Variants in ZNF483 observed in about 807,000 individuals in gnomAD.
ZNF483 encodes the protein zinc finger protein 483.
A neutral mutation model predicts 28.6 loss-of-function variants in ZNF483; 9 were observed. The ratio of observed to expected loss-of-function variants is 0.32; its 90% confidence interval spans 0.19 to 0.55. The LOEUF is 0.55. Ranked by LOEUF, ZNF483 falls within the 20% of genes least tolerant of loss-of-function variation. The pLI is 0.93. For missense variants in ZNF483, 675 were observed against 871.7 expected, an observed-to-expected ratio of 0.77 and a Z score of 2.84; for synonymous variants, 322 against 306.2, an observed-to-expected ratio of 1.05 and a Z score of -0.54.
At chr9:111,555,514 C>T (rs1828096031), downstream of ZNF483, among the ~76,000 whole-genome samples, 1 of 152,156 alleles carries the variant, frequency 6.6e-6, no homozygotes, top group South Asian at 2.1e-4. Flanking sequence ...CTATAAGGAA[C>T]TACCTGAGAC....
At position 111,530,870 on chromosome 9, in the gene ZNF483, C is replaced by G. The variant is rs1564591351; in HGVS notation, c.413-5C>G. ...CGACTGGACTGGTTTTCTCCCCTTT[C>G]CTAGATCCAGTCTCTCAAGATTCTA... On this transcript the variant is annotated splice_polypyrimidine_tract_variant and splice_region_variant and intron_variant, in intron 2 of 5. Transcript: ENST00000309235. 2 of 1,415,900 alleles carry G rather than the reference C, an allele frequency of 1.4e-6. No homozygotes were observed. The highest frequency in any genetic ancestry group is 1.9e-6 in the Non-Finnish European group (2 of 1,057,244). 87.7% of individuals were successfully genotyped at this position (1,415,900 alleles called of 1,614,324 possible). A position where few individuals can be genotyped will look rare whatever the true frequency, so the allele number is the denominator to read the frequency against.
intron 2 of ZNF483, among the ~76,000 whole-genome samples, chr9:111,528,870 G>C (rs1827247366): frequency 6.6e-6 from 1 of 152,122 alleles, no homozygotes; most frequent in South Asian, 2.1e-4. Context: ...TTCGGGCTGG[G>C]TACGGTGGCT....
In ZNF483 at chr9:111,543,976, G is replaced by T. The variant is rs547759643; in HGVS notation, c.*806G>T. The T allele has an allele frequency of 1.9e-5, 19 of 985,056 alleles. No homozygotes were observed. The South Asian group carries it at 8.0e-4, about 41-fold the overall frequency. 61.0% of individuals were successfully genotyped at this position (985,056 alleles called of 1,614,324 possible). On this transcript the variant is annotated 3_prime_UTR_variant, in exon 6 of 6. Transcript: ENST00000309235. ...ATGCAGTATACTTTTTGAAAACTTC[G>T]TGCAGGAATCCCTCAAATGCTGTAA... is the stretch of plus-strand genomic sequence containing the variant.
intron 5 of ZNF483, among the ~76,000 whole-genome samples, chr9:111,560,771 A>C (rs1034021557): frequency 4.1e-5 from 6 of 147,278 alleles, no homozygotes; most frequent in African/African-American, 1.3e-4. Context: ...GTGAAACCCT[A>C]TCTCTACTAA....
At chr9:111,576,718 G>A (rs953718563) in exon 6 of ZNF483, 4 of 271,030 alleles carry the variant, frequency 1.5e-5, no homozygotes, top group South Asian at 9.3e-5. Flanking sequence ...TTCAGCCTTG[G>A]TGGTGACCTT....
At position 111,563,109 on chromosome 9, in the gene ZNF483, G is replaced by A. The variant is rs757589954; in HGVS notation, c.722-13256G>A. On this transcript the variant is annotated intron_variant, in intron 5 of 5. Coordinates refer to the ZNF483 transcript ENST00000358151. ...CATCTAAATGGCCTCCAGATTCCATGTGTCCTCTTTTTCATGCTTTCACTA... is the reference window on the plus strand; with the variant it reads ...CATCTAAATGGCCTCCAGATTCCATATGTCCTCTTTTTCATGCTTTCACTA... The A allele has an allele frequency of 4.3e-6, 7 of 1,611,608 alleles. No individual in the cohort carries two copies. In the African/African-American group the frequency reaches 5.3e-5, roughly 12 times the overall value.
chr9:111,554,695 C>CAAA lies in ZNF483; in HGVS notation c.*11526_*11527insAAA, dbSNP rs1486369020. Among the ~76,000 whole-genome samples, 1 of 152,186 alleles carries CAAA rather than the reference C, an allele frequency of 6.6e-6. No individual in the cohort carries two copies. Among genetic ancestry groups the CAAA allele is most frequent in the Non-Finnish European group, 1.5e-5 (1 of 68,038 alleles). ...CACGGAGCAGGATGGCAAGAGGTTT[C>CAAA]ATCAGGCTACTCAGAACATACTGGA... On this transcript the variant is annotated 3_prime_UTR_variant, in exon 6 of 6. Transcript: ENST00000309235.
chr9:111,544,385 C>T lies in ZNF483; in HGVS notation c.*1215C>T. 1 of 976,092 alleles carries T rather than the reference C, an allele frequency of 1.0e-6. No individual in the cohort carries two copies. The highest frequency in any genetic ancestry group is 1.2e-6 in the Non-Finnish European group (1 of 823,526). The allele number at this position is 976,092 out of a possible 1,614,324, so 60.5% of individuals were successfully genotyped here. A position where few individuals can be genotyped will look rare whatever the true frequency, so the allele number is the denominator to read the frequency against. ...GTGTGTGTGTGTGTATACATTGTTG[C>T]CACTATCTAAAATTAGGGCATTTCA... On this transcript the variant is annotated 3_prime_UTR_variant, in exon 6 of 6. Transcript: ENST00000309235.
rs10980935 is a variant in ZNF483, at chr9:111,548,697, C to T, written c.*5527C>T. ...AAATGCTTTCTATTTTATATCATTC[C>T]GTATGATGTTAGCTGTGGTCTTTTC... On this transcript the variant is annotated 3_prime_UTR_variant, in exon 6 of 6. Coordinates refer to ENST00000309235, the MANE Select transcript of ZNF483 (RefSeq NM_133464.5). 2.9e-4 allele frequency among the ~76,000 whole-genome samples: 44 copies of T among 152,208 alleles called. No individual in the cohort carries two copies. In the South Asian group the frequency reaches 8.5e-3, roughly 29 times the overall value.
chr9:111,557,827 A>C (rs1384660369), downstream of ZNF483, among the ~76,000 whole-genome samples: 2 of 152,148 alleles, frequency 1.3e-5, no homozygotes, highest in Non-Finnish European at 2.9e-5. Context: ...GGTAATTAAA[A>C]AGTATTCTGT....
chr9:111,549,613 C>T lies in ZNF483; in HGVS notation c.*6443C>T, dbSNP rs1325991203. 3 of 924,506 alleles carry T rather than the reference C, an allele frequency of 3.2e-6. No individual in the cohort carries two copies. Among genetic ancestry groups the T allele is most frequent in the Non-Finnish European group, 3.3e-6 (2 of 609,624 alleles). 57.3% of individuals were successfully genotyped at this position (924,506 alleles called of 1,614,324 possible). ...AATCTACAAGCTTTGCTAAACCTAC[C>T]TGTAGCTCTTCTGGGGCAGCGGTCG... On this transcript the variant is annotated 3_prime_UTR_variant, in exon 6 of 6. Coordinates refer to ENST00000309235, the MANE Select transcript of ZNF483 (RefSeq NM_133464.5).
chr9:111,563,075 TTAAC>T (rs1417636891), intron 5 of ZNF483: 3 of 1,599,020 alleles, frequency 1.9e-6, no homozygotes, highest in South Asian at 1.1e-5. Flanking sequence ...GAAAAACAAA[TTAAC>T]TAATCATCTA....
chr9:111,569,505 C>T (rs7030533), intron 5 of ZNF483, among the ~76,000 whole-genome samples: 41,887 of 152,034 alleles, frequency 0.28, 7,220 homozygotes, highest in Non-Finnish European at 0.4. Context: ...TGGCCAGGTG[C>T]GGTGGCTCAC....
rs1309613008 is a variant in ZNF483 at position 111,560,962 on chromosome 9, TATATATATATATAGAGAGAGAG to T, written c.722-15401_722-15380del. Among the ~76,000 whole-genome samples the T allele has an allele frequency of 5.9e-4, 27 of 45,906 alleles. 1 individual carries two copies. The highest frequency in any genetic ancestry group is 4.1e-3 in the Admixed American group (15 of 3,678). 30.1% of individuals were successfully genotyped at this position (45,906 alleles called of 152,430 possible). On this transcript the variant is annotated intron_variant, in intron 5 of 5. Transcript: ENST00000358151. Reference sequence around the variant, plus strand: ...CATCTAAAATATATATATATATATATATATATATATATAGAGAGAGAGAGAGAGAGAGAGAGAGAGAGAGAGA... The same window carrying T: ...CATCTAAAATATATATATATATATATAGAGAGAGAGAGAGAGAGAGAGAGA...
chr9:111,554,011 T>A lies in ZNF483; in HGVS notation c.*10841T>A, dbSNP rs1410507564. Among the ~76,000 whole-genome samples, 1 of 152,198 alleles carries A rather than the reference T, an allele frequency of 6.6e-6. No individual in the cohort carries two copies. Among genetic ancestry groups the A allele is most frequent in the Non-Finnish European group, 1.5e-5 (1 of 68,036 alleles). On this transcript the variant is annotated 3_prime_UTR_variant, in exon 6 of 6. Coordinates refer to ENST00000309235, the MANE Select transcript of ZNF483 (RefSeq NM_133464.5). ...GGAAGAACTGGAGCATTGTGCAGTG[T>A]TTTTAAGCACTAGCCTAGAAACAGC...
chr9:111,550,053 G>C lies in ZNF483; in HGVS notation c.*6883G>C, dbSNP rs1827893970. On this transcript the variant is annotated 3_prime_UTR_variant, in exon 6 of 6. Coordinates refer to ENST00000309235, the MANE Select transcript of ZNF483 (RefSeq NM_133464.5). ...TTTTCCCCAGGGTTTATTTTTTGTT[G>C]TTGTTTTTTGTGTTGTGTGTTTTTT... Among the ~76,000 whole-genome samples, 1 of 151,826 alleles carries C rather than the reference G, an allele frequency of 6.6e-6. No homozygotes were observed. Among genetic ancestry groups the C allele is most frequent in the Non-Finnish European group, 1.5e-5 (1 of 67,970 alleles).
At position 111,561,140 on chromosome 9, in the gene ZNF483, AG is replaced by A. The variant is rs1475398979; in HGVS notation, c.722-15224del. Among the ~76,000 whole-genome samples, 44 of 34,928 alleles carry A rather than the reference AG, an allele frequency of 1.3e-3. 3 individuals carry two copies. The highest frequency in any genetic ancestry group is 1.8e-3 in the South Asian group (2 of 1,136). The allele number at this position is 34,928 out of a possible 152,430, so 22.9% of individuals were successfully genotyped here. On this transcript the variant is annotated intron_variant, in intron 5 of 5. Transcript: ENST00000358151. ...AGAGAGAGAGAGAGAGAGAGAGAGG[AG>A]AGAGAGGGAGAGAGAGAGAGAGAGA...
At position 111,533,986 on chromosome 9, in the gene ZNF483, G is replaced by A; in HGVS notation, c.628+121G>A. On this transcript the variant is annotated intron_variant, in intron 4 of 5. Transcript: ENST00000309235. The stretch of plus-strand genomic sequence containing the variant: ...TTGGCTGGGGACCCAGGGACTGATA[G>A]GACTAATCCTAAAAACTGGTTCTGA... 3.3e-6 allele frequency: 4 copies of A among 1,217,644 alleles called. No individual in the cohort carries two copies. In the South Asian group the frequency reaches 4.1e-5, roughly 13 times the overall value. The allele number at this position is 1,217,644 out of a possible 1,614,324, so 75.4% of individuals were successfully genotyped here.
intron 2 of ZNF483, among the ~76,000 whole-genome samples, chr9:111,529,692 C>T (rs967970841): frequency 5.3e-5 from 8 of 152,164 alleles, no homozygotes; most frequent in Non-Finnish European, 4.4e-5. Flanking sequence ...AAGAAGTTTT[C>T]GTGAGCTTAG....
Sources: allele counts gnomAD v4.1 joint callset (sites outside exome capture counted in the v4.1 genomes callset), GRCh38; gene constraint gnomAD v4.1.1; transcripts MANE v1.5; gene names NCBI Gene and HGNC (gene_info 2026-07-23, HGNC 2026-07-21).